Variants in GRM5 observed in about 807,000 individuals in gnomAD.
The protein encoded by GRM5 is glutamate metabotropic receptor 5, also known as metabotropic glutamate receptor 5.
Under a neutral mutation model 83.1 loss-of-function variants are expected in GRM5, and 19 were observed. The ratio of observed to expected loss-of-function variants is 0.23; its 90% CI spans 0.16 to 0.34. GRM5 has a LOEUF of 0.34. GRM5 is among the 10% of genes least tolerant of loss of function. The pLI, the probability that GRM5 is intolerant of heterozygous loss-of-function variation, is 1.00. For synonymous variants in GRM5, 675 were observed against 633.6 expected, an observed-to-expected ratio of 1.07 and a Z score of -0.98; for missense variants, 1,160 against 1,588.3, an observed-to-expected ratio of 0.73 and a Z score of 4.58.
chr11:88,741,770 G>A (rs557252276), intron 3 of GRM5, among the ~76,000 whole-genome samples: 5 of 151,892 alleles, frequency 3.3e-5, no homozygotes, highest in Non-Finnish European at 7.4e-5. Flanking sequence ...AGTACTGAGC[G>A]CACATGGAAA....
chr11:88,648,779 G>C (rs530259878), intron 4 of GRM5, among the ~76,000 whole-genome samples: 16 of 151,880 alleles, frequency 1.1e-4, no homozygotes, highest in African/African-American at 3.9e-4. Context: ...TGAAGATATA[G>C]GCCAAATTTT....
At position 89,048,014 on chromosome 11, in the gene GRM5, C is replaced by G. The variant is rs1193209606; in HGVS notation, c.-142G>C. ...CAATTCAGATGTATTTTCTAAAGGA[C>G]CATTTTGTCCCCATGTACCATTTAG... On this transcript the variant is annotated 5_prime_UTR_variant, in exon 2 of 10. Coordinates refer to ENST00000305447, the MANE Select transcript of GRM5 (RefSeq NM_001143831.3). 1 of 633,272 alleles carries G rather than the reference C, an allele frequency of 1.6e-6. No individual in the cohort carries two copies. 39.2% of individuals were successfully genotyped at this position (633,272 alleles called of 1,614,324 possible). A position where few individuals can be genotyped will look rare whatever the true frequency, so the allele number is the denominator to read the frequency against.
chr11:88,880,147 T>C (rs1944928161), intron 2 of GRM5, among the ~76,000 whole-genome samples: 2 of 151,992 alleles, frequency 1.3e-5, no homozygotes, highest in Non-Finnish European at 2.9e-5. Flanking sequence ...ATAGACAGCA[T>C]GCAATTTTTG....
chr11:88,713,399 A>T (rs933753576), intron 3 of GRM5, among the ~76,000 whole-genome samples: 1 of 152,020 alleles, frequency 6.6e-6, no homozygotes, highest in African/African-American at 2.4e-5. Flanking sequence ...TGTTTCTATG[A>T]AGATGAAACA....
At chr11:88,850,436 G>C (rs1453328097) in intron 2 of GRM5, among the ~76,000 whole-genome samples, 1 of 151,926 alleles carries the variant, frequency 6.6e-6, no homozygotes, top group African/African-American at 2.4e-5. Context: ...ACTCAAAATA[G>C]CTCTTATTCT....
intron 2 of GRM5, among the ~76,000 whole-genome samples, chr11:88,852,085 GTGAT>G (rs1944397627): frequency 6.6e-6 from 1 of 152,204 alleles, no homozygotes; most frequent in Non-Finnish European, 1.5e-5. Flanking sequence ...AATTAGGTAA[GTGAT>G]TGTGATGTGA....
intron 3 of GRM5, among the ~76,000 whole-genome samples, chr11:88,848,722 TTA>T (rs1331263523): frequency 6.6e-6 from 1 of 152,182 alleles, no homozygotes; most frequent in African/African-American, 2.4e-5. Context: ...ATAGTTAATT[TTA>T]TGTGTCTAGT....
intron 3 of GRM5, among the ~76,000 whole-genome samples, chr11:88,777,069 G>A (rs1048595611): frequency 1.3e-5 from 2 of 152,152 alleles, no homozygotes; most frequent in African/African-American, 2.4e-5. Context: ...CTCACTTTCA[G>A]GTACACCAAT....
chr11:88,940,466 TA>T (rs1450906093), intron 2 of GRM5, among the ~76,000 whole-genome samples: 1 of 151,188 alleles, frequency 6.6e-6, no homozygotes, highest in Non-Finnish European at 1.5e-5. Flanking sequence ...GCGCTCCCAT[TA>T]TACAGTTTTA....
At position 88,850,019 on chromosome 11, in the gene GRM5, A is replaced by T. The variant is rs1284343526; in HGVS notation, c.798T>A (p.Ser266Arg). ...CCACCACCCGGGCCTTGGGCAAGTGACTTGTGAGCTTCTTCAGCAGCTTAT... is the reference window on the plus strand; with the variant it reads ...CCACCACCCGGGCCTTGGGCAAGTGTCTTGTGAGCTTCTTCAGCAGCTTAT... ...SFDKLLKKLTSHLPKARVVAC... is the reference protein window; with the variant it reads ...SFDKLLKKLTRHLPKARVVAC... The change falls in exon 3 of 10, where the codon AGT (serine) becomes AGA (arginine). Residue 266 changes from serine (S) to arginine (R), a missense_variant. By Grantham distance (110) the Ser-to-Arg change is moderately radical. Coordinates refer to ENST00000305447, the MANE Select transcript of GRM5 (RefSeq NM_001143831.3). The T allele has an allele frequency of 1.2e-6, 2 of 1,613,494 alleles. No individual in the cohort carries two copies. Among genetic ancestry groups the T allele is most frequent in the East Asian group, 4.5e-5 (2 of 44,880 alleles).
intron 4 of GRM5, among the ~76,000 whole-genome samples, chr11:88,642,634 G>A (rs901620363): frequency 2.0e-5 from 3 of 152,122 alleles, no homozygotes; most frequent in African/African-American, 7.2e-5. Flanking sequence ...GAAGCAGTGA[G>A]GCTACATCTT....
chr11:88,550,541 T>A (rs1349431408), intron 8 of GRM5, among the ~76,000 whole-genome samples: 1 of 152,186 alleles, frequency 6.6e-6, no homozygotes, highest in East Asian at 1.9e-4. Context: ...GTGCTTCTTG[T>A]GTACATTTGC....
At chr11:88,855,119 A>G (rs1944451905) in intron 2 of GRM5, among the ~76,000 whole-genome samples, 1 of 151,922 alleles carries the variant, frequency 6.6e-6, no homozygotes, top group Admixed American at 6.6e-5. Context: ...CCAAACTATT[A>G]TAATAATAGT....
At chr11:88,850,357 A>T (rs569287576) in intron 2 of GRM5, among the ~76,000 whole-genome samples, 1 of 152,302 alleles carries the variant, frequency 6.6e-6, no homozygotes, top group East Asian at 1.9e-4. Flanking sequence ...ATATGCATTG[A>T]TCATTTATAT....
intron 7 of GRM5, among the ~76,000 whole-genome samples, chr11:88,573,477 G>A (rs1943047623): frequency 1.3e-5 from 2 of 152,154 alleles, no homozygotes; most frequent in East Asian, 3.9e-4. Context: ...AAATTGGGCT[G>A]AACAAGAGCT....
intron 4 of GRM5, among the ~76,000 whole-genome samples, chr11:88,606,939 GTGT>G (rs1301567716): frequency 7.0e-6 from 1 of 142,356 alleles, no homozygotes; most frequent in African/African-American, 2.8e-5. Context: ...TTTAAGAAAG[GTGT>G]TTTTTTTTTT....
chr11:88,939,274 C>T (rs1012868965), intron 2 of GRM5, among the ~76,000 whole-genome samples: 39 of 151,708 alleles, frequency 2.6e-4, no homozygotes, highest in Non-Finnish European at 3.8e-4. Context: ...CTTTGGTACC[C>T]GGTGTGCTTA....
intron 2 of GRM5, among the ~76,000 whole-genome samples, chr11:89,016,135 T>C (rs16912863): frequency 0.042 from 6,293 of 151,342 alleles, 174 homozygotes; most frequent in Middle Eastern, 0.077. Flanking sequence ...TAAAACTAAC[T>C]AAACACATGT....
At chr11:88,699,443 C>T (rs1250677878) in intron 3 of GRM5, among the ~76,000 whole-genome samples, 1 of 152,048 alleles carries the variant, frequency 6.6e-6, no homozygotes, top group Non-Finnish European at 1.5e-5. Context: ...CTCTTCAGGA[C>T]CAAGGCAGTC....
Sources: allele counts gnomAD v4.1 joint callset (sites outside exome capture counted in the v4.1 genomes callset), GRCh38; gene constraint gnomAD v4.1.1; transcripts MANE v1.5; gene names NCBI Gene and HGNC (gene_info 2026-07-23, HGNC 2026-07-21).